The following C5 variants were observed in gnomAD, a reference collection of about 807,000 sequenced individuals.
C5 encodes the protein complement C5.
A neutral mutation model predicts 218.8 loss-of-function variants in C5; 140 were observed. The observed-to-expected ratio is 0.64, with a 90% CI of 0.56 to 0.74. The LOEUF (loss-of-function observed/expected upper bound fraction) is 0.74, where lower values mean the gene tolerates loss of function less well. Among genes scored for constraint, C5 ranks in the 30% least tolerant of loss-of-function variants. The pLI is 0.00. For missense variants in C5, 1,700 were observed against 1,969.6 expected, an observed-to-expected ratio of 0.86 and a Z score of 2.59; for synonymous variants, 614 against 682.3, an observed-to-expected ratio of 0.90 and a Z score of 1.56.
At chr9:121,033,688 A>G (rs2047497695) in intron 5 of C5, among the ~76,000 whole-genome samples, 1 of 152,262 alleles carries the variant, frequency 6.6e-6, no homozygotes, top group African/African-American at 2.4e-5. Context: ...AAATTATCCA[A>G]GTTATTTAAA....
chr9:121,028,565 AC>A (rs2047445471), intron 7 of C5, among the ~76,000 whole-genome samples: 1 of 152,150 alleles, frequency 6.6e-6, no homozygotes, highest in South Asian at 2.1e-4. Context: ...GAAGCTGGAA[AC>A]CATCATTCTG....
chr9:120,963,783 A>G (rs1017512835), intron 33 of C5, 45 bp from the exon 34 acceptor site: 2 of 1,408,028 alleles, frequency 1.4e-6, no homozygotes, highest in African/African-American at 1.4e-5. Context: ...TAAGTGAATA[A>G]GAGTCTTTAA....
At chr9:121,002,316 G>GTGTGTGTGTGTATATATGTATA (rs572345213) in intron 20 of C5, among the ~76,000 whole-genome samples, 1 of 87,406 alleles carries the variant, frequency 1.1e-5, no homozygotes, top group Non-Finnish European at 2.2e-5. Flanking sequence ...ATATGTGTGT[G>GTGTGTGTGTGTATATATGTATA]TATATATATA....
Position 120,970,327 on chromosome 9 carries a change from G to T in C5, c.4081-76C>A. 5.6e-6 allele frequency: 5 copies of T among 897,106 alleles called. No individual in the cohort carries two copies. In the Admixed American group the frequency reaches 8.9e-5, roughly 16 times the overall value. The allele number at this position is 897,106 out of a possible 1,614,324, so 55.6% of individuals were successfully genotyped here. Reference sequence around the variant, plus strand: ...ACAAAGGTATTATGGCAACACTGCTGCTGCAGATGGGATGCTCGAAGGATC... The same window carrying T: ...ACAAAGGTATTATGGCAACACTGCTTCTGCAGATGGGATGCTCGAAGGATC... On this transcript the variant is annotated intron_variant, in intron 31 of 40. Coordinates refer to ENST00000223642, the MANE Select transcript of C5 (RefSeq NM_001735.3).
intron 29 of C5, among the ~76,000 whole-genome samples, chr9:120,975,995 T>C (rs1006548899): frequency 6.6e-6 from 1 of 152,162 alleles, no homozygotes; most frequent in African/African-American, 2.4e-5. Context: ...TGGCGGCAAA[T>C]GCTAATCAAT....
chr9:120,979,730 T>C (rs2046977911), intron 28 of C5: 4 of 282,912 alleles, frequency 1.4e-5, no homozygotes, highest in South Asian at 3.7e-5. Context: ...CTGCAAAATA[T>C]AAAAAAAAGT....
At chr9:120,980,007 A>C in intron 28 of C5, 76 bp downstream of exon 28, 1 of 1,335,664 alleles carries the variant, frequency 7.5e-7, no homozygotes, top group Non-Finnish European at 1.1e-6. Context: ...TTCACATGTC[A>C]CCACCCACTT....
At chr9:121,058,029 A>G in the C5 span, among the ~76,000 whole-genome samples, 2 of 152,186 alleles carry the variant, frequency 1.3e-5, no homozygotes, top group Non-Finnish European at 2.9e-5. Flanking sequence ...CATAAATGTT[A>G]ATCACGTCTC....
At chr9:120,985,472 C>T (rs2047026244) in intron 25 of C5, among the ~76,000 whole-genome samples, 1 of 152,150 alleles carries the variant, frequency 6.6e-6, no homozygotes, top group African/African-American at 2.4e-5. Flanking sequence ...GAGAAACTCT[C>T]ACACATGTGC....
Position 120,957,357 on chromosome 9 carries a change from T to G in C5, c.4690A>C (p.Ser1564Arg). The part of the protein sequence containing the change: ...KPEIAYAYKV[S>R]ITSITVENVF... Reference sequence around the variant, plus strand: ...TTTTCTACAGTGATGGATGTGATGCTAACTTTATAAGCTGGCAAAAGACAA... The same window carrying G: ...TTTTCTACAGTGATGGATGTGATGCGAACTTTATAAGCTGGCAAAAGACAA... Residue 1564 changes from serine (S) to arginine (R), a missense_variant, in exon 39 of 41, where the codon AGC (serine) becomes CGC (arginine). By Grantham distance (110) the Ser-to-Arg change is moderately radical. Transcript: ENST00000223642. The G allele has an allele frequency of 6.2e-7, 1 of 1,612,166 alleles. No individual in the cohort carries two copies. Among genetic ancestry groups the G allele is most frequent in the South Asian group, 1.1e-5 (1 of 91,042 alleles).
At chr9:121,005,891 T>C (rs529217486) in intron 20 of C5, 28 bp downstream of exon 20, 18 of 1,609,754 alleles carry the variant, frequency 1.1e-5, no homozygotes, top group Admixed American at 5.0e-5. Context: ...ATGTTTCCTT[T>C]ATCCCATAAA....
intron 4 of C5, among the ~76,000 whole-genome samples, chr9:121,037,270 T>G (rs1330850225): frequency 6.6e-6 from 1 of 151,654 alleles, no homozygotes; most frequent in African/African-American, 2.4e-5. Flanking sequence ...CAGTCAATTC[T>G]TAGTGATTGG....
the C5 span, among the ~76,000 whole-genome samples, chr9:121,070,661 G>A: frequency 2.6e-5 from 4 of 151,680 alleles, no homozygotes; most frequent in Non-Finnish European, 4.4e-5. Context: ...GTCATATGTC[G>A]AAGCTGAAAA....
rs773921975 is a variant in C5, at chr9:121,017,723, C to A, written c.1636G>T (p.Val546Phe). 8 of 1,613,168 alleles carry A rather than the reference C, an allele frequency of 5.0e-6. No individual in the cohort carries two copies. Among genetic ancestry groups the A allele is most frequent in the Non-Finnish European group, 6.8e-6 (8 of 1,179,298 alleles). ...AATTCTGCTGTCTGTTCTCCTGTGA[C>A]GATGTAATAGACCAGAAGTCGGGAT... ...PSSRLLVYYIVTGEQTAELVS... is the reference protein window; with the variant it reads ...PSSRLLVYYIFTGEQTAELVS... The change falls in exon 13 of 41, where the codon GTC becomes TTC. Residue 546 changes from valine (V) to phenylalanine (F), a missense_variant. Transcript: ENST00000223642.
intron 17 of C5, among the ~76,000 whole-genome samples, chr9:121,010,336 C>G (rs1477249277): frequency 6.6e-6 from 1 of 151,970 alleles, no homozygotes; most frequent in Non-Finnish European, 1.5e-5. Flanking sequence ...TTCTATATGT[C>G]AATAATGAAC....
intron 8 of C5, chr9:121,025,899 C>A: frequency 4.3e-6 from 1 of 232,450 alleles, no homozygotes; most frequent in Non-Finnish European, 8.6e-6. Flanking sequence ...TACTTCCGCC[C>A]TTAACTGAGA....
chr9:121,006,457 G>C (rs2047216347), intron 19 of C5, among the ~76,000 whole-genome samples: 1 of 152,164 alleles, frequency 6.6e-6, no homozygotes, highest in African/African-American at 2.4e-5. Flanking sequence ...GAAAGCATCT[G>C]CACTTAATCA....
In C5 at chr9:120,978,774, T is replaced by C. The variant is rs1424198133; in HGVS notation, c.3658+1309A>G. Reference sequence around the variant, plus strand: ...CTTCAAAACCAAACACATACTTTTATAGCAAACCTGGTAAAATATAAGCCA... The same window carrying C: ...CTTCAAAACCAAACACATACTTTTACAGCAAACCTGGTAAAATATAAGCCA... On this transcript the variant is annotated intron_variant, in intron 28 of 40. Coordinates refer to ENST00000223642, the MANE Select transcript of C5 (RefSeq NM_001735.3). Among the ~76,000 whole-genome samples the C allele has an allele frequency of 2.0e-5, 3 of 152,220 alleles. No homozygotes were observed. The East Asian group carries it at 5.8e-4, about 29-fold the overall frequency.
intron 18 of C5, 118 bp from the exon 19 acceptor site, chr9:121,007,095 C>T (rs748221123): frequency 1.4e-4 from 102 of 736,658 alleles, no homozygotes; most frequent in Non-Finnish European, 2.2e-4. Flanking sequence ...AAAAAATTCA[C>T]GAGATGAAAT....
Sources: allele counts gnomAD v4.1 joint callset (sites outside exome capture counted in the v4.1 genomes callset), GRCh38; gene constraint gnomAD v4.1.1; transcripts MANE v1.5; gene names NCBI Gene and HGNC (gene_info 2026-07-23, HGNC 2026-07-21).